TFEC: variants seen among roughly 807,000 people sequenced by gnomAD.
TFEC encodes the protein transcription factor EC.
Under a neutral mutation model 41.6 loss-of-function variants are expected in TFEC, and 31 were observed. That is an observed-to-expected ratio of 0.74 (90% CI 0.56 to 1.01). The LOEUF is 1.01. Among genes scored for constraint, TFEC ranks in the 50% least tolerant of loss-of-function variants. The pLI is 0.00. For missense variants in TFEC, 402 were observed against 404.1 expected (o/e 0.99, Z 0.04); for synonymous variants, 143 against 140.6 (o/e 1.02, Z -0.12).
At chr7:116,140,598 T>C (rs1055531998) in intron 1 of TFEC, among the ~76,000 whole-genome samples, 2 of 152,218 alleles carry the variant, frequency 1.3e-5, no homozygotes, top group African/African-American at 4.8e-5. Flanking sequence ...CAATGATGTA[T>C]TGGCAGTGTC....
chr7:116,046,203 T>C (rs140209855), intron 3 of TFEC, among the ~76,000 whole-genome samples: 49 of 152,242 alleles, frequency 3.2e-4, no homozygotes, highest in African/African-American at 1.1e-3. Flanking sequence ...TAATTGGTTT[T>C]GAAATGTGAG....
intron 1 of TFEC, among the ~76,000 whole-genome samples, chr7:116,122,545 A>T (rs1048475821): frequency 1.3e-5 from 2 of 152,082 alleles, no homozygotes; most frequent in African/African-American, 2.4e-5. Flanking sequence ...TTGTTCATTC[A>T]TTCATCACTG....
intron 1 of TFEC, among the ~76,000 whole-genome samples, chr7:115,988,712 A>G (rs2130702479): frequency 6.6e-6 from 1 of 152,236 alleles, no homozygotes; most frequent in East Asian, 1.9e-4. Flanking sequence ...GTACCAAACC[A>G]CAGATCCAGG....
intron 3 of TFEC, among the ~76,000 whole-genome samples, chr7:115,963,601 T>A (rs1792683013): frequency 6.6e-6 from 1 of 151,780 alleles, no homozygotes; most frequent in African/African-American, 2.4e-5. Context: ...GAAATTCTGA[T>A]GAATGCTGCA....
intron 1 of TFEC, among the ~76,000 whole-genome samples, chr7:116,115,524 A>C (rs1797967969): frequency 6.6e-6 from 1 of 151,782 alleles, no homozygotes; most frequent in Non-Finnish European, 1.5e-5. Flanking sequence ...CTCTGGTTCC[A>C]TGGTAAGATG....
At chr7:116,001,557 T>C (rs111450020) in intron 1 of TFEC, among the ~76,000 whole-genome samples, 14 of 149,722 alleles carry the variant, frequency 9.4e-5, no homozygotes, top group Admixed American at 5.3e-4. Context: ...AAAAAAAACA[T>C]TGGGGAAACT....
At chr7:116,096,531 G>A (rs1028146139) in intron 3 of TFEC, among the ~76,000 whole-genome samples, 2 of 151,428 alleles carry the variant, frequency 1.3e-5, no homozygotes, top group Non-Finnish European at 2.9e-5. Context: ...GAATCTCACT[G>A]TCATATTAAT....
chr7:115,957,170 C>A (rs1792280800), intron 3 of TFEC, among the ~76,000 whole-genome samples: 1 of 151,810 alleles, frequency 6.6e-6, no homozygotes, highest in Non-Finnish European at 1.5e-5. Flanking sequence ...CTTTGCAAAG[C>A]TGGAAAGTTC....
intron 3 of TFEC, among the ~76,000 whole-genome samples, chr7:116,069,391 G>A (rs1410639832): frequency 6.6e-6 from 1 of 151,518 alleles, no homozygotes. Flanking sequence ...ATGAAATAAA[G>A]AGTTTGAGTA....
intron 1 of TFEC, among the ~76,000 whole-genome samples, chr7:116,010,043 G>A (rs569187456): frequency 2.6e-5 from 4 of 152,208 alleles, no homozygotes; most frequent in Non-Finnish European, 5.9e-5. Flanking sequence ...ATAGTAAAAA[G>A]CATTTCGGAG....
intron 1 of TFEC, among the ~76,000 whole-genome samples, chr7:116,145,678 G>C (rs1166308988): frequency 1.3e-5 from 2 of 152,130 alleles, no homozygotes; most frequent in Non-Finnish European, 2.9e-5. Flanking sequence ...ATACTCTCAG[G>C]AACCCAAGTT....
intron 1 of TFEC, among the ~76,000 whole-genome samples, chr7:116,113,986 A>G (rs1327877829): frequency 6.6e-5 from 10 of 152,170 alleles, no homozygotes; most frequent in Admixed American, 6.6e-4. Context: ...AGAAGTACAT[A>G]GAATGGATGC....
chr7:116,134,651 C>T (rs897886058), intron 1 of TFEC, among the ~76,000 whole-genome samples: 6 of 152,088 alleles, frequency 3.9e-5, no homozygotes, highest in South Asian at 2.1e-4. Flanking sequence ...CATTGCTATA[C>T]GAAAAATTAG....
At chr7:116,029,678 T>G (rs918673342) in intron 1 of TFEC, among the ~76,000 whole-genome samples, 1 of 151,956 alleles carries the variant, frequency 6.6e-6, no homozygotes, top group Non-Finnish European at 1.5e-5. Context: ...GTAATTTATA[T>G]AAGCAAATGT....
intron 3 of TFEC, chr7:115,968,087 C>A: frequency 8.1e-7 from 1 of 1,241,686 alleles, no homozygotes; most frequent in Non-Finnish European, 1.1e-6. Context: ...TGTTCACATA[C>A]CTTATTTTAT....
In TFEC at chr7:116,144,520, A is replaced by T. The variant is rs148351960; in HGVS notation, c.-69+15270T>A. 3.5e-3 allele frequency among the ~76,000 whole-genome samples: 530 copies of T among 152,134 alleles called. 5 individuals carry two copies. The highest frequency in any genetic ancestry group is 0.012 in the African/African-American group (491 of 41,520). On this transcript the variant is annotated intron_variant, in intron 1 of 8. Transcript: ENST00000484212. ...TTTAATGTGATTTACACTGACATTTATTATTTTTTTTAGAAATGGGCATCT... is the reference window on the plus strand; with the variant it reads ...TTTAATGTGATTTACACTGACATTTTTTATTTTTTTTAGAAATGGGCATCT...
At chr7:115,944,634 T>A (rs1179602401) in intron 6 of TFEC, among the ~76,000 whole-genome samples, 1 of 151,662 alleles carries the variant, frequency 6.6e-6, no homozygotes, top group East Asian at 1.9e-4. Context: ...CCAAAATATA[T>A]TCCAATCATG....
At chr7:116,149,624 C>T (rs1043192266) in intron 1 of TFEC, among the ~76,000 whole-genome samples, 2 of 152,072 alleles carry the variant, frequency 1.3e-5, no homozygotes, top group African/African-American at 4.8e-5. Flanking sequence ...GCAGTAAGTA[C>T]ACAGTGGAGA....
intron 1 of TFEC, among the ~76,000 whole-genome samples, chr7:116,146,096 T>C (rs1798635487): frequency 2.6e-5 from 4 of 152,168 alleles, no homozygotes; most frequent in Admixed American, 2.6e-4. Context: ...TAATGTTAAC[T>C]AGCAGTTTAA....
Sources: allele counts gnomAD v4.1 joint callset (sites outside exome capture counted in the v4.1 genomes callset), GRCh38; gene constraint gnomAD v4.1.1; transcripts MANE v1.5; gene names NCBI Gene and HGNC (gene_info 2026-07-23, HGNC 2026-07-21).